The following GLIS3 variants were observed in gnomAD, a reference collection of about 807,000 sequenced individuals.
The protein encoded by GLIS3 is GLIS family zinc finger 3.
Under a neutral mutation model 78.6 loss-of-function variants are expected in GLIS3, and 53 were observed. The ratio of observed to expected loss-of-function variants is 0.67; its 90% CI spans 0.54 to 0.85. The LOEUF (loss-of-function observed/expected upper bound fraction) is 0.85. Among genes scored for constraint, GLIS3 ranks in the 40% least tolerant of loss-of-function variants. GLIS3 has a pLI of 0.00. For missense variants in GLIS3, 1,703 were observed against 1,231.1 expected, an observed-to-expected ratio of 1.38 and a Z score of -5.74; for synonymous variants, 684 against 509.9, an observed-to-expected ratio of 1.34 and a Z score of -4.60.
At chr9:4,321,818 C>A (rs1423302420) in intron 2 of GLIS3, among the ~76,000 whole-genome samples, 1 of 152,132 alleles carries the variant, frequency 6.6e-6, no homozygotes, top group East Asian at 1.9e-4. Context: ...AAGTGATTCT[C>A]ATGCCTCACC....
chr9:4,277,224 G>C (rs1251546598), intron 2 of GLIS3, among the ~76,000 whole-genome samples: 1 of 152,106 alleles, frequency 6.6e-6, no homozygotes, highest in African/African-American at 2.4e-5. Context: ...CTAAGTAAAG[G>C]AAATACTTTT....
chr9:4,127,199 T>C (rs1267705842), intron 2 of GLIS3, among the ~76,000 whole-genome samples: 1 of 152,164 alleles, frequency 6.6e-6, no homozygotes, highest in Non-Finnish European at 1.5e-5. Context: ...TATGGGACAC[T>C]AAAATCCAAG....
At chr9:4,174,625 G>C (rs989287689) in intron 2 of GLIS3, among the ~76,000 whole-genome samples, 4 of 152,172 alleles carry the variant, frequency 2.6e-5, no homozygotes, top group African/African-American at 9.7e-5. Flanking sequence ...TATTGCATAT[G>C]CTAAACAAGC....
chr9:3,902,877 T>C (rs778325847), intron 6 of GLIS3, among the ~76,000 whole-genome samples: 47 of 152,184 alleles, frequency 3.1e-4, no homozygotes, highest in Non-Finnish European at 4.3e-4. Context: ...TGATCAACTG[T>C]GACGAATAAA....
intron 2 of GLIS3, among the ~76,000 whole-genome samples, chr9:4,202,131 CT>C (rs369591590): frequency 3.7e-4 from 50 of 136,050 alleles, no homozygotes; most frequent in South Asian, 9.8e-4. Context: ...GAGCAAGACT[CT>C]TTTTTTTCTC....
rs533334825 is a variant in GLIS3, at chr9:3,903,541, T to C, written c.1984-4706A>G. Among the ~76,000 whole-genome samples the C allele has an allele frequency of 1.4e-3, 220 of 152,296 alleles. 3 individuals are homozygous for C. Among genetic ancestry groups the C allele is most frequent in the Non-Finnish European group, 2.6e-3 (179 of 68,038 alleles). ...GCTCAGCTGCCCTAACCACACTCCA[T>C]TGGTTCCAGAGTGGCTCTGCCCTGA... On this transcript the variant is annotated intron_variant, in intron 6 of 10. Coordinates refer to ENST00000381971, the MANE Select transcript of GLIS3 (RefSeq NM_001042413.2).
chr9:3,880,245 C>A lies in GLIS3; in HGVS notation c.2129-650G>T, dbSNP rs559083624. 5.1e-4 allele frequency among the ~76,000 whole-genome samples: 78 copies of A among 152,234 alleles called. 1 individual carries two copies. Among genetic ancestry groups the A allele is most frequent in the Admixed American group, 1.4e-3 (22 of 15,284 alleles). ...AAAACACAGCTTCGGGATCTCCCCC[C>A]ACTGTTGCCCGTTATGACACAGAGA... On this transcript the variant is annotated intron_variant, in intron 7 of 10. Coordinates refer to ENST00000381971, the MANE Select transcript of GLIS3 (RefSeq NM_001042413.2).
intron 1 of GLIS3, among the ~76,000 whole-genome samples, chr9:4,298,716 G>A (rs1038421103): frequency 1.8e-4 from 27 of 152,186 alleles, no homozygotes; most frequent in Non-Finnish European, 4.0e-4. Flanking sequence ...ACCCGGCGGG[G>A]AGGGTTCGTG....
chr9:4,233,449 A>C (rs1822449804), intron 2 of GLIS3, among the ~76,000 whole-genome samples: 1 of 152,246 alleles, frequency 6.6e-6, no homozygotes, highest in African/African-American at 2.4e-5. Context: ...GCTCTTCAGT[A>C]ACCAGGTGCA....
chr9:4,085,481 C>A (rs369490507), intron 4 of GLIS3, among the ~76,000 whole-genome samples: 1 of 152,114 alleles, frequency 6.6e-6, no homozygotes, highest in Non-Finnish European at 1.5e-5. Flanking sequence ...ATCCTGTCCA[C>A]GTGATAGCCA....
chr9:4,254,485 GACA>G, intron 2 of GLIS3, among the ~76,000 whole-genome samples: 1 of 152,302 alleles, frequency 6.6e-6, no homozygotes, highest in South Asian at 2.1e-4. Flanking sequence ...TATGGAAACA[GACA>G]AAATGTGCCA....
At chr9:3,956,234 A>G (rs1209029834) in intron 4 of GLIS3, among the ~76,000 whole-genome samples, 1 of 152,150 alleles carries the variant, frequency 6.6e-6, no homozygotes. Context: ...GTTCCAAGAC[A>G]CAGCAATGCT....
upstream of GLIS3, among the ~76,000 whole-genome samples, chr9:4,353,364 T>G (rs1817998912): frequency 6.6e-6 from 1 of 152,168 alleles, no homozygotes; most frequent in Non-Finnish European, 1.5e-5. Flanking sequence ...TCCTCTGATT[T>G]CAGGCAGCTT....
the GLIS3 span, among the ~76,000 whole-genome samples, chr9:4,373,711 C>G: frequency 6.6e-6 from 1 of 151,190 alleles, no homozygotes. Flanking sequence ...TCTTGTCGCC[C>G]AGGCTGTAGT....
the GLIS3 span, among the ~76,000 whole-genome samples, chr9:4,451,012 T>C: frequency 6.6e-6 from 1 of 152,200 alleles, no homozygotes; most frequent in African/African-American, 2.4e-5. Context: ...TAACCTTAAA[T>C]GTAAATGGGC....
chr9:4,010,288 C>G (rs898372094), intron 4 of GLIS3, among the ~76,000 whole-genome samples: 4 of 152,162 alleles, frequency 2.6e-5, no homozygotes, highest in African/African-American at 7.2e-5. Flanking sequence ...GTTATTCGAC[C>G]TGATGTGCTT....
intron 8 of GLIS3, among the ~76,000 whole-genome samples, chr9:3,858,457 G>GTAA (rs1819935405): frequency 6.6e-6 from 1 of 152,052 alleles, no homozygotes; most frequent in Admixed American, 6.5e-5. Flanking sequence ...TACAAACCAT[G>GTAA]GTTTTAGCAC....
chr9:4,235,886 G>T (rs1013417515), intron 2 of GLIS3, among the ~76,000 whole-genome samples: 1 of 151,974 alleles, frequency 6.6e-6, no homozygotes, highest in Admixed American at 6.6e-5. Flanking sequence ...AAAGCATCCC[G>T]GCATACTGAT....
intron 2 of GLIS3, among the ~76,000 whole-genome samples, chr9:4,201,736 C>A (rs149630165): frequency 6.6e-6 from 1 of 152,140 alleles, no homozygotes; most frequent in African/African-American, 2.4e-5. Context: ...TTGGAAGACT[C>A]AATACCATTA....
Sources: allele counts gnomAD v4.1 joint callset (sites outside exome capture counted in the v4.1 genomes callset), GRCh38; gene constraint gnomAD v4.1.1; transcripts MANE v1.5; gene names NCBI Gene and HGNC (gene_info 2026-07-23, HGNC 2026-07-21).